Variants in BCORL1 observed in about 807,000 individuals in gnomAD.
BCORL1 encodes the protein BCL-6 corepressor-like protein 1.
BCORL1 carries 7 observed loss-of-function variants against 87.6 expected under a neutral mutation model. The observed-to-expected ratio is 0.08, with a 90% CI of 0.05 to 0.15. The LOEUF (loss-of-function observed/expected upper bound fraction) is 0.15. Among genes scored for constraint, BCORL1 ranks in the 10% least tolerant of loss-of-function variants. BCORL1 has a pLI of 1.00. For missense variants in BCORL1, 1,215 were observed against 1,499.7 expected, an observed-to-expected ratio of 0.81 and a Z score of 3.13; for synonymous variants, 591 against 634.4, an observed-to-expected ratio of 0.93 and a Z score of 1.03.
intron 8 of BCORL1, among the ~76,000 whole-genome samples, chrX:130,030,588 G>A (rs188543652): frequency 2.8e-4 from 31 of 110,524 alleles, no homozygotes; most frequent in African/African-American, 9.5e-4. Context: ...GGGGGCTTCT[G>A]TTTGTATTTG....
intron 4 of BCORL1, 127 bp downstream of exon 4, chrX:130,016,340 G>A (rs1489666524): frequency 2.1e-5 from 18 of 868,465 alleles, no homozygotes; most frequent in South Asian, 1.1e-4. Flanking sequence ...TGAACTGAAC[G>A]GATTGGAAGG....
At chrX:129,982,295 G>GCTGC (rs1375627406), upstream of BCORL1, among the ~76,000 whole-genome samples, 1 of 111,423 alleles carries the variant, frequency 9.0e-6, no homozygotes, top group Non-Finnish European at 1.9e-5. Flanking sequence ...TGCAGCCACT[G>GCTGC]CTGCCTCCCT....
At chrX:130,017,646 G>T (rs755304069) in intron 4 of BCORL1, among the ~76,000 whole-genome samples, 6 of 98,185 alleles carry the variant, frequency 6.1e-5, no homozygotes, top group Non-Finnish European at 1.2e-4. Flanking sequence ...CTCTCTTTTT[G>T]TTTTTTTTTT....
rs1453404995 is a variant in BCORL1, at chrX:130,013,608, C to T, written c.836C>T (p.Ala279Val). ...GACTCGAACCCCCTTTCTGTTTCGG[C>T]CTCAGTCTTGGTGCCTGTGCCAGCT... ...ISDSNPLSVS[A>V]SVLVPVPASA... Residue 279 changes from alanine (A) to valine (V), a missense_variant, in exon 4 of 14, where the codon GCC (alanine) becomes GTC (valine). By Grantham distance (64) the Ala-to-Val change is moderately conservative. This residue lies in a region of BCORL1 where 861 missense variants were observed against 1,010.0 expected (regional missense o/e 0.85). Transcript: ENST00000540052. The T allele has an allele frequency of 8.3e-7, 1 of 1,211,382 alleles. No individual in the cohort carries two copies. Among genetic ancestry groups the T allele is most frequent in the African/African-American group, 1.7e-5 (1 of 57,753 alleles).
chrX:130,001,348 C>T (rs979262701), intron 1 of BCORL1, among the ~76,000 whole-genome samples: 5 of 112,467 alleles, frequency 4.4e-5, no homozygotes, highest in East Asian at 2.8e-4. Flanking sequence ...CTTGGCCTCC[C>T]GAAGTGCTGG....
Position 130,015,445 on chromosome X carries a change from T to C in BCORL1, c.2673T>C (p.Pro891=), listed in dbSNP as rs748732552. The part of the protein sequence containing the change: ...VHGLPEGQPR[P]GGSFVPEQDP... ...GACTTCCTGAGGGGCAACCACGGCC[T>C]GGGGGCTCCTTCGTTCCAGAGCAGG... The change falls in exon 4 of 14, where the codon CCT becomes CCC. Residue 891 remains proline (P), a synonymous_variant. Coordinates refer to ENST00000540052, the MANE Select transcript of BCORL1 (RefSeq NM_001379451.1). The C allele has an allele frequency of 8.2e-6, 10 of 1,212,298 alleles. No individual in the cohort carries two copies. In the Admixed American group the frequency reaches 2.0e-4, roughly 24 times the overall value.
rs372174837 is a variant in BCORL1, at chrX:130,021,144, G to A, written c.3601G>A (p.Glu1201Lys). 1.3e-5 allele frequency: 15 copies of A among 1,199,196 alleles called. No homozygotes were observed. Among genetic ancestry groups the A allele is most frequent in the African/African-American group, 8.9e-5 (5 of 56,395 alleles). Residue 1201 changes from glutamate to lysine, a missense_variant, in exon 5 of 14, where the codon GAG (glutamate) becomes AAG (lysine). By Grantham distance (56) the Glu-to-Lys change is moderately conservative (BLOSUM62 1). Transcript: ENST00000540052. ...TCCAGGAAAACGAGCCGACAGCCACGAGGAAGGTAGGCCCCGCGGCCCTGG... is the reference window on the plus strand; with the variant it reads ...TCCAGGAAAACGAGCCGACAGCCACAAGGAAGGTAGGCCCCGCGGCCCTGG... The part of the protein sequence containing the change: ...QSPGKRADSH[E>K]EGSLEKKAKS...
chrX:129,997,749 G>A (rs1008532846), intron 1 of BCORL1, among the ~76,000 whole-genome samples: 14 of 91,200 alleles, frequency 1.5e-4, no homozygotes, highest in African/African-American at 4.8e-4. Flanking sequence ...CCAACATCGC[G>A]CCATTGCACT....
At chrX:130,044,211 A>G (rs1014678347) in intron 11 of BCORL1, among the ~76,000 whole-genome samples, 6 of 109,053 alleles carry the variant, frequency 5.5e-5, no homozygotes, top group Admixed American at 4.0e-4. Flanking sequence ...GCCTGATTTT[A>G]ATTTTTTTAC....
chrX:130,027,836 A>G (rs1403921247), intron 7 of BCORL1, among the ~76,000 whole-genome samples: 2 of 112,232 alleles, frequency 1.8e-5, no homozygotes, highest in African/African-American at 3.2e-5. Flanking sequence ...GCCAAGCAGC[A>G]CTAATCTTGA....
chrX:130,033,799 G>A (rs1201472973), intron 8 of BCORL1, among the ~76,000 whole-genome samples: 1 of 110,787 alleles, frequency 9.0e-6, no homozygotes. Context: ...ACTGGCCAAT[G>A]TGGCGAAACC....
At chrX:130,043,784 ATTT>A (rs1163098654) in intron 11 of BCORL1, among the ~76,000 whole-genome samples, 488 of 15,743 alleles carry the variant, frequency 0.031, 16 homozygotes, top group South Asian at 0.075. Context: ...ATATATATAT[ATTT>A]TTTTTTTTTT....
At position 130,037,598 on chromosome X, in the gene BCORL1, C is replaced by T; in HGVS notation, c.4694+65C>T. ...CCAGCTCAGCCTCTCACTCAAAAGACCTTGCCTGCCGCTGGCAGGCATGGT... is the reference window on the plus strand; with the variant it reads ...CCAGCTCAGCCTCTCACTCAAAAGATCTTGCCTGCCGCTGGCAGGCATGGT... On this transcript the variant is annotated intron_variant, in intron 10 of 13. Coordinates refer to ENST00000540052, the MANE Select transcript of BCORL1 (RefSeq NM_001379451.1). 3 of 1,119,385 alleles carry T rather than the reference C, an allele frequency of 2.7e-6. No homozygotes were observed. In the South Asian group the frequency reaches 6.4e-5, roughly 24 times the overall value. 92.2% of individuals were successfully genotyped at this position (1,119,385 alleles called of 1,213,427 possible).
In BCORL1 at chrX:129,993,787, T is replaced by G. The variant is rs776539079; in HGVS notation, c.-45+11025T>G. Among the ~76,000 whole-genome samples, 207 of 111,840 alleles carry G rather than the reference T, an allele frequency of 1.9e-3. 1 individual carries two copies. Among genetic ancestry groups the G allele is most frequent in the African/African-American group, 6.3e-3 (195 of 30,893 alleles). ...ATGGTCCTTTTTTTTATTTTTTAAT[T>G]TTTATTTTATTTATTTATTTTTTTG... On this transcript the variant is annotated intron_variant, in intron 1 of 13. Coordinates refer to ENST00000540052, the MANE Select transcript of BCORL1 (RefSeq NM_001379451.1).
intron 1 of BCORL1, among the ~76,000 whole-genome samples, chrX:130,004,097 T>C (rs1190986606): frequency 9.0e-6 from 1 of 111,026 alleles, no homozygotes; most frequent in Non-Finnish European, 1.9e-5. Flanking sequence ...TGGATAAAGG[T>C]TTTTCTTGGT....
rs758466892 is a variant in BCORL1 at position 130,033,467 on chromosome X, A to G, written c.4306-988A>G. 1.4e-4 allele frequency among the ~76,000 whole-genome samples: 16 copies of G among 112,483 alleles called. No homozygotes were observed. The Middle Eastern group carries it at 0.018, about 128-fold the overall frequency. On this transcript the variant is annotated intron_variant, in intron 8 of 13. Transcript: ENST00000540052. ...TATCTCAAAGACCCTGCAAGGAAGAAAGTGGGGCTCAGAGAGGGAGGGCCT... is the reference window on the plus strand; with the variant it reads ...TATCTCAAAGACCCTGCAAGGAAGAGAGTGGGGCTCAGAGAGGGAGGGCCT...
intron 8 of BCORL1, among the ~76,000 whole-genome samples, chrX:130,034,112 G>A (rs780337588): frequency 1.8e-5 from 2 of 112,390 alleles, no homozygotes; most frequent in Non-Finnish European, 3.8e-5. Flanking sequence ...GGCATGCAGA[G>A]TCTTGAGAGA....
At chrX:130,047,421 T>C (rs1430266024) in intron 11 of BCORL1, among the ~76,000 whole-genome samples, 1 of 112,327 alleles carries the variant, frequency 8.9e-6, no homozygotes, top group Non-Finnish European at 1.9e-5. Flanking sequence ...GACCAAATCT[T>C]GGAGCTCCTC....
chrX:129,999,292 C>A (rs1391149900), intron 1 of BCORL1, among the ~76,000 whole-genome samples: 5 of 88,411 alleles, frequency 5.7e-5, no homozygotes, highest in African/African-American at 2.1e-4. Context: ...TGTGTTGAAA[C>A]ACATCTTTTT....
Sources: allele counts gnomAD v4.1 joint callset (sites outside exome capture counted in the v4.1 genomes callset), GRCh38; gene constraint gnomAD v4.1.1; regional missense constraint gnomAD v4.1.1; transcripts MANE v1.5; gene names NCBI Gene and HGNC (gene_info 2026-07-23, HGNC 2026-07-21).